TASP1: variants seen among roughly 807,000 people sequenced by gnomAD.
TASP1 encodes taspase 1.
A neutral mutation model predicts 56.6 loss-of-function variants in TASP1; 16 were observed. The observed-to-expected ratio is 0.28, with a 90% CI of 0.19 to 0.43. The LOEUF (loss-of-function observed/expected upper bound fraction) is 0.43. Ranked by LOEUF, TASP1 falls within the 20% of genes least tolerant of loss-of-function variation. The probability of loss-of-function intolerance (pLI) is 1.00; values close to 1 mark genes in which losing one functional copy is unlikely to be tolerated. For synonymous variants in TASP1, 179 were observed against 184.2 expected, an observed-to-expected ratio of 0.97 and a Z score of 0.23; for missense variants, 393 against 511.6, an observed-to-expected ratio of 0.77 and a Z score of 2.24.
the TASP1 span, among the ~76,000 whole-genome samples, chr20:13,205,785 G>A: frequency 6.6e-6 from 1 of 152,158 alleles, no homozygotes; most frequent in Non-Finnish European, 1.5e-5. Context: ...CATCAAGTAG[G>A]GGAAGTGAGA....
At chr20:13,369,490 TA>T in the TASP1 span, among the ~76,000 whole-genome samples, 28 of 152,204 alleles carry the variant, frequency 1.8e-4, no homozygotes, top group Admixed American at 5.9e-4. Context: ...TTGAACATTT[TA>T]AAAGCCTAGG....
chr20:13,337,579 C>T, the TASP1 span, among the ~76,000 whole-genome samples: 1 of 152,174 alleles, frequency 6.6e-6, no homozygotes, highest in African/African-American at 2.4e-5. Flanking sequence ...GCTGTCGTGG[C>T]TTTCAGACAG....
chr20:13,268,385 TC>T, the TASP1 span, among the ~76,000 whole-genome samples: 1 of 139,708 alleles, frequency 7.2e-6, no homozygotes, highest in South Asian at 2.5e-4. Flanking sequence ...TCTCTCTCTC[TC>T]TCTCTCTCTC....
At chr20:13,242,720 T>C in the TASP1 span, among the ~76,000 whole-genome samples, 1 of 152,250 alleles carries the variant, frequency 6.6e-6, no homozygotes, top group South Asian at 2.1e-4. Flanking sequence ...TTAAGGTTGG[T>C]ATAAAAGCAT....
the TASP1 span, chr20:13,221,857 G>A: frequency 1.3e-5 from 19 of 1,432,500 alleles, no homozygotes; most frequent in Admixed American, 5.5e-5. Context: ...TGCGCGGCTC[G>A]GGAGCCGCCG....
chr20:13,562,804 G>A (rs1413523488), intron 7 of TASP1, among the ~76,000 whole-genome samples: 1 of 150,706 alleles, frequency 6.6e-6, no homozygotes, highest in African/African-American at 2.4e-5. Flanking sequence ...CTTAGTCTGG[G>A]CAGTCAAGGT....
chr20:13,615,131 AT>A (rs1242149554), intron 4 of TASP1, among the ~76,000 whole-genome samples: 1 of 152,152 alleles, frequency 6.6e-6, no homozygotes, highest in Admixed American at 6.5e-5. Flanking sequence ...GCTTTTTTTA[AT>A]AAAAAGACTT....
chr20:13,430,328 G>A (rs1238122096), intron 12 of TASP1, among the ~76,000 whole-genome samples: 3 of 152,182 alleles, frequency 2.0e-5, no homozygotes, highest in Non-Finnish European at 2.9e-5. Context: ...GAAATTCCAC[G>A]GTGGCTTCAT....
chr20:13,596,289 C>T (rs1203340653), intron 4 of TASP1, among the ~76,000 whole-genome samples: 2 of 151,634 alleles, frequency 1.3e-5, no homozygotes, highest in Non-Finnish European at 2.9e-5. Context: ...GCAGGAGAAT[C>T]GCTTGAACCC....
At chr20:13,320,844 C>T in the TASP1 span, among the ~76,000 whole-genome samples, 1 of 152,136 alleles carries the variant, frequency 6.6e-6, no homozygotes, top group Non-Finnish European at 1.5e-5. Context: ...TTTCTTTTTA[C>T]ATCCCATTGA....
intron 5 of TASP1, among the ~76,000 whole-genome samples, chr20:13,582,046 G>A (rs527410653): frequency 1.3e-5 from 2 of 150,294 alleles, no homozygotes; most frequent in East Asian, 3.9e-4. Context: ...TTTAAATTAA[G>A]GCCAACAGAC....
chr20:13,571,018 G>C (rs1416760981), intron 6 of TASP1, among the ~76,000 whole-genome samples: 1 of 152,062 alleles, frequency 6.6e-6, no homozygotes, highest in East Asian at 1.9e-4. Flanking sequence ...GGTCACTTTG[G>C]GTTCAATTCC....
intron 12 of TASP1, among the ~76,000 whole-genome samples, chr20:13,434,236 T>C (rs1434090440): frequency 6.6e-6 from 1 of 152,178 alleles, no homozygotes; most frequent in Non-Finnish European, 1.5e-5. Flanking sequence ...TAGACTTTTC[T>C]AAATGTATGT....
At chr20:13,181,118 T>A in the TASP1 span, among the ~76,000 whole-genome samples, 1 of 152,314 alleles carries the variant, frequency 6.6e-6, no homozygotes, top group East Asian at 1.9e-4. Context: ...CAGGAGTCCC[T>A]GGTTCACATA....
chr20:13,385,314 TTC>T (rs1458213508), downstream of TASP1, among the ~76,000 whole-genome samples: 1 of 152,248 alleles, frequency 6.6e-6, no homozygotes, highest in African/African-American at 2.4e-5. Flanking sequence ...GCTCTTCAGC[TTC>T]TGTTTACTTC....
At chr20:13,232,031 C>G in the TASP1 span, among the ~76,000 whole-genome samples, 3 of 152,164 alleles carry the variant, frequency 2.0e-5, no homozygotes, top group East Asian at 3.8e-4. Flanking sequence ...CATAAGCATC[C>G]AGGTAGAATA....
intron 10 of TASP1, among the ~76,000 whole-genome samples, chr20:13,519,030 C>T (rs1014133389): frequency 2.0e-5 from 3 of 152,094 alleles, no homozygotes; most frequent in Non-Finnish European, 4.4e-5. Context: ...CTTGCAGCAA[C>T]ATGGATGTAG....
At position 13,435,338 on chromosome 20, in the gene TASP1, C is replaced by A. The variant is rs559597583; in HGVS notation, c.986-184G>T. Among the ~76,000 whole-genome samples, 44 of 152,200 alleles carry A rather than the reference C, an allele frequency of 2.9e-4. No individual in the cohort carries two copies. The South Asian group carries it at 3.8e-3, about 13-fold the overall frequency. On this transcript the variant is annotated intron_variant, in intron 11 of 13. Coordinates refer to ENST00000337743, the MANE Select transcript of TASP1 (RefSeq NM_017714.3). Reference sequence around the variant, plus strand: ...GGCAGGTTTATGCCTGAATAGGGGCCATTTGGCAAAGAAAATGCCACATGC... The same window carrying A: ...GGCAGGTTTATGCCTGAATAGGGGCAATTTGGCAAAGAAAATGCCACATGC...
chr20:13,447,592 A>T (rs1040766553), intron 11 of TASP1, among the ~76,000 whole-genome samples: 6 of 152,124 alleles, frequency 3.9e-5, no homozygotes, highest in Non-Finnish European at 7.4e-5. Flanking sequence ...TGGAACAGCT[A>T]TCTTGTTCTC....
Sources: allele counts gnomAD v4.1 joint callset (sites outside exome capture counted in the v4.1 genomes callset), GRCh38; gene constraint gnomAD v4.1.1; transcripts MANE v1.5; gene names NCBI Gene and HGNC (gene_info 2026-07-23, HGNC 2026-07-21).